Variants in NAV2 observed in about 807,000 individuals in gnomAD.
The protein encoded by NAV2 is neuron navigator 2, also known as helicase, APC down-regulated 1.
In NAV2, 54 loss-of-function variants were observed where a neutral mutation model predicts 223.2. That is an observed-to-expected ratio of 0.24 (90% CI 0.19 to 0.30). The LOEUF is 0.30. Among genes scored for constraint, NAV2 ranks in the 10% least tolerant of loss-of-function variants. The pLI is 1.00. For synonymous variants in NAV2, 1,279 were observed against 1,239.3 expected, an observed-to-expected ratio of 1.03 and a Z score of -0.67; for missense variants, 2,806 against 3,147.5, an observed-to-expected ratio of 0.89 and a Z score of 2.60.
rs113531186 is a variant in NAV2, at chr11:19,675,415, C to G, written c.76-157069C>G. On this transcript the variant is annotated intron_variant, in intron 1 of 37. Transcript: ENST00000360655. Reference sequence around the variant, plus strand: ...CAGGACACATACACGCATGCTCACACACGCATGCATACACTCCCTGTAAAG... The same window carrying G: ...CAGGACACATACACGCATGCTCACAGACGCATGCATACACTCCCTGTAAAG... 2.0e-4 allele frequency among the ~76,000 whole-genome samples: 30 copies of G among 152,318 alleles called. 1 individual carries two copies. Among genetic ancestry groups the G allele is most frequent in the African/African-American group, 7.0e-4 (29 of 41,574 alleles).
At chr11:19,813,077 C>G (rs2058920008) in intron 1 of NAV2, among the ~76,000 whole-genome samples, 1 of 152,166 alleles carries the variant, frequency 6.6e-6, no homozygotes, top group South Asian at 2.1e-4. Context: ...TGAATGAAGG[C>G]TCAAACTCTT....
intron 11 of NAV2, among the ~76,000 whole-genome samples, chr11:20,026,460 G>A (rs975021855): frequency 2.6e-5 from 4 of 151,882 alleles, no homozygotes; most frequent in East Asian, 3.9e-4. Flanking sequence ...ACAGGTGCCT[G>A]CCACCATACC....
intron 25 of NAV2, chr11:20,082,567 T>C (rs1842568381): frequency 1.2e-6 from 2 of 1,613,720 alleles, no homozygotes; most frequent in Admixed American, 1.7e-5. Context: ...CCCTTCCCCA[T>C]TTTTGCTTGC....
intron 1 of NAV2, among the ~76,000 whole-genome samples, chr11:19,533,185 A>G (rs773579285): frequency 3.9e-5 from 6 of 152,138 alleles, no homozygotes; most frequent in Non-Finnish European, 5.9e-5. Context: ...AACCAGGAAT[A>G]TAGTGTAGAC....
Position 20,068,406 on chromosome 11 carries a change from C to G in NAV2, c.4983+8C>G. The G allele has an allele frequency of 6.2e-7, 1 of 1,608,950 alleles. No individual in the cohort carries two copies. Among genetic ancestry groups the G allele is most frequent in the Non-Finnish European group, 8.5e-7 (1 of 1,175,398 alleles). ...ACCCAGCTGACAGCAAATGTAAGTA[C>G]AGACATAGGGCAGTAGCATCGGGAC... On this transcript the variant is annotated splice_region_variant and intron_variant, in intron 22 of 37. Coordinates refer to ENST00000349880, the MANE Select transcript of NAV2 (RefSeq NM_145117.5).
At chr11:19,436,369 GA>G (rs1829450412) in intron 1 of NAV2, among the ~76,000 whole-genome samples, 1 of 152,070 alleles carries the variant, frequency 6.6e-6, no homozygotes, top group African/African-American at 2.4e-5. Context: ...CATCTTTGTT[GA>G]AAAGCAGTTG....
intron 1 of NAV2, among the ~76,000 whole-genome samples, chr11:19,398,836 G>A (rs1232576046): frequency 6.6e-6 from 1 of 152,194 alleles, no homozygotes; most frequent in East Asian, 1.9e-4. Flanking sequence ...CACACTCACA[G>A]CTAGTGGGTG....
At chr11:19,906,853 G>A (rs1235607389) in intron 6 of NAV2, among the ~76,000 whole-genome samples, 3 of 152,142 alleles carry the variant, frequency 2.0e-5, no homozygotes, top group Admixed American at 6.5e-5. Flanking sequence ...CAGCCTTTGG[G>A]ATTCTTGGTA....
At chr11:19,734,356 G>T (rs898162177) in intron 1 of NAV2, among the ~76,000 whole-genome samples, 3 of 152,186 alleles carry the variant, frequency 2.0e-5, no homozygotes, top group Admixed American at 6.5e-5. Flanking sequence ...CATGAGTGAG[G>T]TCATCAGCTT....
chr11:19,363,819 A>C (rs964945144), intron 1 of NAV2, among the ~76,000 whole-genome samples: 6 of 152,222 alleles, frequency 3.9e-5, no homozygotes, highest in African/African-American at 7.2e-5. Context: ...GAACTCAAGA[A>C]AACAGTTTGC....
chr11:19,676,481 GA>G (rs3043464), intron 1 of NAV2, among the ~76,000 whole-genome samples: 2,890 of 151,336 alleles, frequency 0.019, 90 homozygotes, highest in African/African-American at 0.067. Flanking sequence ...ACCTCTCCCT[GA>G]AAAAAAAAAA....
chr11:19,446,143 T>G (rs1851574743), intron 1 of NAV2, among the ~76,000 whole-genome samples: 1 of 152,162 alleles, frequency 6.6e-6, no homozygotes, highest in South Asian at 2.1e-4. Context: ...AAAACAACGA[T>G]TTGATTATCT....
chr11:19,350,437 C>T (rs1017554637), upstream of NAV2, among the ~76,000 whole-genome samples: 4 of 152,200 alleles, frequency 2.6e-5, no homozygotes, highest in Non-Finnish European at 4.4e-5. Context: ...GTGATGAACG[C>T]TTGCAGGAGC....
At chr11:19,434,826 A>C (rs1039294580) in intron 1 of NAV2, among the ~76,000 whole-genome samples, 2 of 150,378 alleles carry the variant, frequency 1.3e-5, no homozygotes, top group Non-Finnish European at 3.0e-5. Context: ...AAAGAAGCAC[A>C]GGAAAGAAGC....
At chr11:19,604,917 T>C (rs933684283) in intron 1 of NAV2, among the ~76,000 whole-genome samples, 2 of 152,222 alleles carry the variant, frequency 1.3e-5, no homozygotes, top group Non-Finnish European at 2.9e-5. Flanking sequence ...CTGCCATCCA[T>C]GTAAGACATG....
At chr11:19,633,071 G>A (rs562605454) in intron 1 of NAV2, among the ~76,000 whole-genome samples, 12 of 152,010 alleles carry the variant, frequency 7.9e-5, no homozygotes, top group Non-Finnish European at 1.2e-4. Context: ...TCCTGGGGGT[G>A]GGAGCTGGGT....
chr11:20,091,557 A>G (rs941026585), intron 27 of NAV2, among the ~76,000 whole-genome samples: 1 of 152,158 alleles, frequency 6.6e-6, no homozygotes, highest in African/African-American at 2.4e-5. Context: ...TTGTTCTTAC[A>G]GCCCCTCCCA....
At chr11:20,023,699 GGT>G (rs374769800) in intron 11 of NAV2, among the ~76,000 whole-genome samples, 85,664 of 144,424 alleles carry the variant, frequency 0.59, 25,632 homozygotes, top group South Asian at 0.7. Flanking sequence ...CAAATTGCTG[GGT>G]GTGTGTGTGT....
chr11:19,616,092 A>T (rs2046780185), intron 1 of NAV2, among the ~76,000 whole-genome samples: 12 of 151,988 alleles, frequency 7.9e-5, no homozygotes, highest in Admixed American at 7.9e-4. Context: ...AGCAGCACAC[A>T]GTGGAAACAT....
Sources: gnomAD v4.1 joint callset for allele counts (sites outside exome capture counted in the v4.1 genomes callset) on GRCh38, gnomAD v4.1.1 for gene constraint, MANE v1.5 for transcripts, NCBI Gene and HGNC (gene_info 2026-07-23, HGNC 2026-07-21) for gene names.